SLC39A11: variants seen among roughly 807,000 people sequenced by gnomAD.
SLC39A11 encodes the protein solute carrier family 39 member 11.
In SLC39A11, 33 loss-of-function variants were observed where a neutral mutation model predicts 36.1. The observed-to-expected ratio is 0.91, with a 90% CI of 0.69 to 1.22. SLC39A11 has a LOEUF of 1.22. Among genes scored for constraint, SLC39A11 ranks in the 50% most tolerant of loss-of-function variants. The pLI is 0.00. For synonymous variants in SLC39A11, 166 were observed against 170.3 expected (o/e 0.97, Z 0.20); for missense variants, 432 against 430.3 (o/e 1.00, Z -0.03).
chr17:72,935,403 C>G (rs1199836822), intron 5 of SLC39A11, among the ~76,000 whole-genome samples: 3 of 152,082 alleles, frequency 2.0e-5, no homozygotes, highest in Non-Finnish European at 4.4e-5. Context: ...GGTTTAACTA[C>G]AAGGGGCCAA....
chr17:73,066,637 A>G (rs753193835), intron 3 of SLC39A11, among the ~76,000 whole-genome samples: 7 of 152,218 alleles, frequency 4.6e-5, no homozygotes, highest in African/African-American at 7.2e-5. Flanking sequence ...ATACATTAGT[A>G]TTCAGGGATG....
rs747429701 is a variant in SLC39A11, at chr17:73,074,150, C to A, written c.147+10658G>T. ...AATAATTGAGAAATTATTAATTTCT[C>A]AATCCAGGATCTAAAAGCTAGGATT... is the stretch of plus-strand genomic sequence containing the variant. On this transcript the variant is annotated intron_variant, in intron 3 of 9. Transcript: ENST00000255559. 1.2e-4 allele frequency among the ~76,000 whole-genome samples: 18 copies of A among 152,102 alleles called. No homozygotes were observed. The Middle Eastern group carries it at 0.01, about 86-fold the overall frequency.
intron 5 of SLC39A11, among the ~76,000 whole-genome samples, chr17:72,862,905 C>T (rs1157340167): frequency 2.0e-5 from 3 of 152,170 alleles, no homozygotes; most frequent in South Asian, 2.1e-4. Context: ...CCCAAGTTAA[C>T]GATATTTTAC....
At chr17:73,075,579 G>A (rs2060292856) in intron 3 of SLC39A11, among the ~76,000 whole-genome samples, 1 of 152,168 alleles carries the variant, frequency 6.6e-6, no homozygotes, top group Non-Finnish European at 1.5e-5. Flanking sequence ...GAGGCCGGGC[G>A]CAGTGGCTCA....
intron 7 of SLC39A11, among the ~76,000 whole-genome samples, chr17:72,666,249 C>A (rs2070750543): frequency 6.6e-6 from 1 of 152,190 alleles, no homozygotes; most frequent in Non-Finnish European, 1.5e-5. Flanking sequence ...TGCCAAAGCT[C>A]ATTTTCCTGT....
At chr17:72,910,191 T>G (rs936734493) in intron 5 of SLC39A11, among the ~76,000 whole-genome samples, 1 of 152,190 alleles carries the variant, frequency 6.6e-6, no homozygotes, top group Non-Finnish European at 1.5e-5. Flanking sequence ...GCTGAAAAAC[T>G]ACCTGTTGGG....
intron 3 of SLC39A11, among the ~76,000 whole-genome samples, chr17:73,067,275 G>C (rs1389047730): frequency 6.6e-6 from 1 of 152,222 alleles, no homozygotes; most frequent in African/African-American, 2.4e-5. Flanking sequence ...TGAATAAGTT[G>C]TGGCCAATGA....
At chr17:73,015,671 C>T (rs780456421) in intron 4 of SLC39A11, among the ~76,000 whole-genome samples, 1 of 152,130 alleles carries the variant, frequency 6.6e-6, no homozygotes, top group Non-Finnish European at 1.5e-5. Flanking sequence ...GCAACCCCCA[C>T]CTCCAGGTTC....
At chr17:72,716,454 C>T (rs373051010) in intron 7 of SLC39A11, among the ~76,000 whole-genome samples, 130 of 151,604 alleles carry the variant, frequency 8.6e-4, no homozygotes, top group African/African-American at 3.1e-3. Context: ...AGCTCCAATA[C>T]GGGGGACAGC....
chr17:72,905,847 G>A (rs996780148), intron 5 of SLC39A11, among the ~76,000 whole-genome samples: 94 of 151,978 alleles, frequency 6.2e-4, no homozygotes, highest in African/African-American at 2.1e-3. Context: ...TCCGCCTCCC[G>A]GGTTCACGCC....
At chr17:73,085,362 T>C (rs1304577167) in intron 2 of SLC39A11, among the ~76,000 whole-genome samples, 1 of 148,212 alleles carries the variant, frequency 6.7e-6, no homozygotes, top group Non-Finnish European at 1.5e-5. Context: ...CAAAAAAAAA[T>C]AGGCTGGGTG....
chr17:72,816,423 A>C (rs1172245872), intron 6 of SLC39A11, among the ~76,000 whole-genome samples: 2 of 145,854 alleles, frequency 1.4e-5, no homozygotes, highest in Non-Finnish European at 3.0e-5. Flanking sequence ...AGGCAAGAGC[A>C]CATCCAATTC....
chr17:72,680,491 G>A (rs971848853), intron 7 of SLC39A11, among the ~76,000 whole-genome samples: 1 of 152,150 alleles, frequency 6.6e-6, no homozygotes, highest in Non-Finnish European at 1.5e-5. Context: ...AGATCTGATG[G>A]TTTTATAAAG....
chr17:73,064,329 A>T (rs1413465920), intron 3 of SLC39A11, among the ~76,000 whole-genome samples: 2 of 125,460 alleles, frequency 1.6e-5, no homozygotes, highest in African/African-American at 3.6e-5. Flanking sequence ...ACAAGCTATT[A>T]AAAAAGTTTC....
chr17:73,031,486 T>C, intron 4 of SLC39A11, 70 bp downstream of exon 4: 2 of 1,545,360 alleles, frequency 1.3e-6, no homozygotes, highest in East Asian at 2.3e-5. Context: ...TCAGGTTTGA[T>C]CAGAAATAAA....
intron 4 of SLC39A11, among the ~76,000 whole-genome samples, chr17:73,021,741 GAC>G (rs1407918123): frequency 1.3e-5 from 2 of 152,164 alleles, no homozygotes; most frequent in Non-Finnish European, 2.9e-5. Flanking sequence ...GAGCTCAAGA[GAC>G]AGCAAGAGAG....
At chr17:73,024,101 G>A (rs1293853122) in intron 4 of SLC39A11, among the ~76,000 whole-genome samples, 1 of 152,248 alleles carries the variant, frequency 6.6e-6, no homozygotes, top group Non-Finnish European at 1.5e-5. Context: ...TGTAGACAGT[G>A]AAGTAAAAGG....
rs111475524 is a variant in SLC39A11 at position 72,972,923 on chromosome 17, C to A, written c.307-25048G>T. The stretch of plus-strand genomic sequence containing the variant: ...TCCAGGTCTCAAAAATAAACACCAA[C>A]CTCTGTGGTAGGTCAGGCAGGAAGG... On this transcript the variant is annotated intron_variant, in intron 4 of 9. Transcript: ENST00000255559. Among the ~76,000 whole-genome samples the A allele has an allele frequency of 7.6e-3, 1,158 of 152,088 alleles. 18 individuals carry two copies. Among genetic ancestry groups the A allele is most frequent in the African/African-American group, 0.026 (1,059 of 41,492 alleles).
intron 3 of SLC39A11, among the ~76,000 whole-genome samples, chr17:73,075,548 A>AC (rs2060291625): frequency 1.3e-5 from 2 of 152,148 alleles, no homozygotes; most frequent in Non-Finnish European, 2.9e-5. Context: ...CAGTCAGACT[A>AC]TGGGTTCAAA....
Sources: gnomAD v4.1 joint callset for allele counts (sites outside exome capture counted in the v4.1 genomes callset) on GRCh38, gnomAD v4.1.1 for gene constraint, MANE v1.5 for transcripts, NCBI Gene and HGNC (gene_info 2026-07-23, HGNC 2026-07-21) for gene names.